LGR5: variants seen among roughly 807,000 people sequenced by gnomAD.
LGR5 encodes the protein leucine rich repeat containing G protein-coupled receptor 5, also known as leucine-rich repeat-containing G protein-coupled receptor 5.
In LGR5, 54 loss-of-function variants were observed where a neutral mutation model predicts 76.7. That is an observed-to-expected ratio of 0.70 (90% CI 0.57 to 0.88). The LOEUF is 0.88. Ranked by LOEUF, LGR5 falls within the 40% of genes least tolerant of loss-of-function variation. The pLI is 0.00. For synonymous variants in LGR5, 406 were observed against 421.9 expected (o/e 0.96, Z 0.46); for missense variants, 1,078 against 1,073.3 (o/e 1.00, Z -0.06).
intron 1 of LGR5, among the ~76,000 whole-genome samples, chr12:71,470,615 G>A (rs11178813): frequency 9.9e-5 from 15 of 152,244 alleles, no homozygotes; most frequent in Admixed American, 7.8e-4. Flanking sequence ...TTAAGTTACT[G>A]TCCTTATAGC....
At chr12:71,493,119 T>G (rs1874149069) in intron 1 of LGR5, among the ~76,000 whole-genome samples, 1 of 151,356 alleles carries the variant, frequency 6.6e-6, no homozygotes, top group Non-Finnish European at 1.5e-5. Flanking sequence ...GAAACTAATT[T>G]ATTTCTTTTT....
In LGR5 at chr12:71,572,836, C is replaced by T. The variant is rs541256244; in HGVS notation, c.1137-14C>T. 1.2e-6 allele frequency: 2 copies of T among 1,606,472 alleles called. No homozygotes were observed. The highest frequency in any genetic ancestry group is 2.2e-5 in the South Asian group (2 of 90,712). ...GTAACTTTGAAATCAATCTTTGGAA[C>T]CCTGTCATTTCAGTGACCTAAGACA... is the stretch of plus-strand genomic sequence containing the variant. On this transcript the variant is annotated splice_polypyrimidine_tract_variant and intron_variant, in intron 12 of 17. Transcript: ENST00000266674.
intron 4 of LGR5, among the ~76,000 whole-genome samples, chr12:71,538,389 G>A (rs1024001298): frequency 6.6e-5 from 10 of 152,080 alleles, no homozygotes; most frequent in South Asian, 2.1e-4. Context: ...GGTGGCCTGC[G>A]CCTATAATCC....
intron 3 of LGR5, among the ~76,000 whole-genome samples, chr12:71,532,213 G>A (rs1876353838): frequency 1.3e-5 from 2 of 152,080 alleles, no homozygotes; most frequent in South Asian, 2.1e-4. Flanking sequence ...CTTAAAATTG[G>A]ATGATGGATT....
chr12:71,583,606 C>A (rs1236651408), intron 17 of LGR5, 41 bp from the exon 18 acceptor site: 1 of 1,563,868 alleles, frequency 6.4e-7, no homozygotes, highest in South Asian at 1.2e-5. Flanking sequence ...AGTTGTAAAC[C>A]CTAATTTGAT....
At chr12:71,500,705 T>C (rs1419418590) in intron 1 of LGR5, among the ~76,000 whole-genome samples, 1 of 152,030 alleles carries the variant, frequency 6.6e-6, no homozygotes, top group East Asian at 1.9e-4. Context: ...TAAGAAATCC[T>C]CCCACCTCAG....
chr12:71,471,365 G>A lies in LGR5; in HGVS notation c.212+31073G>A, dbSNP rs151139879. 3.3e-3 allele frequency among the ~76,000 whole-genome samples: 510 copies of A among 152,278 alleles called. 2 individuals carry two copies. The highest frequency in any genetic ancestry group is 6.3e-3 in the Non-Finnish European group (430 of 68,022). On this transcript the variant is annotated intron_variant, in intron 1 of 17. Transcript: ENST00000266674. ...ATGATACAATATGAATGAGCCTTGT[G>A]TGTGAGTCTGTTTGTACAAAATGTC...
At chr12:71,501,742 T>C (rs1030344520) in intron 1 of LGR5, among the ~76,000 whole-genome samples, 1 of 152,236 alleles carries the variant, frequency 6.6e-6, no homozygotes, top group Non-Finnish European at 1.5e-5. Context: ...TGTATTTTTA[T>C]TTCACCTTTT....
At chr12:71,492,736 A>T (rs1874128673) in intron 1 of LGR5, among the ~76,000 whole-genome samples, 1 of 151,582 alleles carries the variant, frequency 6.6e-6, no homozygotes, top group Admixed American at 6.6e-5. Flanking sequence ...GTTTCTAATG[A>T]TGGCAGACAT....
At chr12:71,536,023 A>G (rs1444855772) in intron 4 of LGR5, among the ~76,000 whole-genome samples, 1 of 152,214 alleles carries the variant, frequency 6.6e-6, no homozygotes, top group East Asian at 1.9e-4. Flanking sequence ...TCTTCCTCCC[A>G]TTAGAATGTA....
At position 71,524,407 on chromosome 12, in the gene LGR5, C is replaced by A. The variant is rs200516824; in HGVS notation, c.286C>A (p.Arg96Ser). The change falls in exon 3 of 18, where the codon CGT (arginine) becomes AGT (serine). Residue 96 changes from arginine to serine, a missense_variant and splice_region_variant. Coordinates refer to ENST00000266674, the MANE Select transcript of LGR5 (RefSeq NM_003667.4). ...LPSLRFLEELRLAGNALTYIP... is the reference protein window; with the variant it reads ...LPSLRFLEELSLAGNALTYIP... ...TCTCCTCTCCATTGAAACCCACAGA[C>A]GTCTTGCGGGAAACGCTCTGACATA... The A allele has an allele frequency of 1.2e-6, 2 of 1,610,888 alleles. No individual in the cohort carries two copies. Among genetic ancestry groups the A allele is most frequent in the South Asian group, 2.2e-5 (2 of 90,908 alleles).
intron 8 of LGR5, among the ~76,000 whole-genome samples, chr12:71,564,645 G>A: frequency 6.1e-5 from 9 of 148,582 alleles, no homozygotes; most frequent in African/African-American, 1.5e-4. Flanking sequence ...CACGCACTGT[G>A]TATATATACA....
chr12:71,466,863 T>C (rs1361216524), intron 1 of LGR5, among the ~76,000 whole-genome samples: 2 of 152,276 alleles, frequency 1.3e-5, no homozygotes, highest in East Asian at 3.9e-4. Context: ...TGGTAACACG[T>C]CCTCCTTGGA....
intron 8 of LGR5, among the ~76,000 whole-genome samples, chr12:71,563,232 C>G (rs1261417049): frequency 6.6e-6 from 1 of 152,190 alleles, no homozygotes; most frequent in Non-Finnish European, 1.5e-5. Flanking sequence ...TCCATCTCTT[C>G]AAAGCCCGCA....
In LGR5 at chr12:71,577,247, T is replaced by C. The variant is rs369918681; in HGVS notation, c.1209-678T>C. On this transcript the variant is annotated intron_variant, in intron 13 of 17. Transcript: ENST00000266674. ...TTAAAAATGTAGTTCTTATTCCTGA[T>C]AAATTATCTACAGAAGTTTTTGCAA... Among the ~76,000 whole-genome samples, 18 of 152,350 alleles carry C rather than the reference T, an allele frequency of 1.2e-4. No individual in the cohort carries two copies. In the South Asian group the frequency reaches 3.1e-3, roughly 26 times the overall value.
chr12:71,460,627 T>A (rs1257152922), intron 1 of LGR5, among the ~76,000 whole-genome samples: 1 of 152,140 alleles, frequency 6.6e-6, no homozygotes, highest in Non-Finnish European at 1.5e-5. Flanking sequence ...ATGCTTAACT[T>A]GCAAATTAAT....
chr12:71,517,024 A>G (rs1875479435), intron 2 of LGR5, among the ~76,000 whole-genome samples: 1 of 151,214 alleles, frequency 6.6e-6, no homozygotes, highest in Non-Finnish European at 1.5e-5. Flanking sequence ...AAAACTTCTG[A>G]CCAAATGTTA....
chr12:71,456,241 C>T (rs919913580), intron 1 of LGR5, among the ~76,000 whole-genome samples: 2 of 152,136 alleles, frequency 1.3e-5, no homozygotes, highest in African/African-American at 2.4e-5. Context: ...ATATTTCCAG[C>T]CCATCTGACA....
chr12:71,445,976 C>G (rs1028914615), intron 1 of LGR5, among the ~76,000 whole-genome samples: 1 of 152,124 alleles, frequency 6.6e-6, no homozygotes, highest in East Asian at 1.9e-4. Context: ...GAATAACACC[C>G]TAGGGTTTCA....
Sources: gnomAD v4.1 joint callset for allele counts (sites outside exome capture counted in the v4.1 genomes callset) on GRCh38, gnomAD v4.1.1 for gene constraint, MANE v1.5 for transcripts, NCBI Gene and HGNC (gene_info 2026-07-23, HGNC 2026-07-21) for gene names.